SREBF2: variants seen among roughly 807,000 people sequenced by gnomAD.
SREBF2 encodes sterol regulatory element-binding protein 2.
SREBF2 carries 55 observed loss-of-function variants against 113.1 expected under a neutral mutation model. The observed-to-expected ratio is 0.49, with a 90% confidence interval of 0.39 to 0.61. The LOEUF (loss-of-function observed/expected upper bound fraction) is 0.61, where lower values mean the gene tolerates loss of function less well. Ranked by LOEUF, SREBF2 falls within the 20% of genes least tolerant of loss-of-function variation. The probability of loss-of-function intolerance (pLI) is 0.00; values close to 1 mark genes in which losing one functional copy is unlikely to be tolerated. For missense variants in SREBF2, 1,349 were observed against 1,487.4 expected, an observed-to-expected ratio of 0.91 and a Z score of 1.53; for synonymous variants, 593 against 605.7, an observed-to-expected ratio of 0.98 and a Z score of 0.31.
intron 11 of SREBF2, among the ~76,000 whole-genome samples, chr22:41,887,039 A>T (rs1329018009): frequency 3.3e-5 from 5 of 152,110 alleles, no homozygotes. Flanking sequence ...ATCTCAAAAT[A>T]AATACATACG....
chr22:41,834,904 T>A (rs1468040317), intron 1 of SREBF2, among the ~76,000 whole-genome samples: 1 of 152,172 alleles, frequency 6.6e-6, no homozygotes, highest in Non-Finnish European at 1.5e-5. Context: ...ACGTTAATGT[T>A]CTCAATCTTC....
intron 1 of SREBF2, among the ~76,000 whole-genome samples, chr22:41,858,063 A>G (rs1260995280): frequency 6.6e-6 from 1 of 152,196 alleles, no homozygotes; most frequent in African/African-American, 2.4e-5. Flanking sequence ...TTAAATAATT[A>G]TTAGAAAAAA....
At chr22:41,854,121 G>A (rs910059032) in intron 1 of SREBF2, among the ~76,000 whole-genome samples, 4 of 148,104 alleles carry the variant, frequency 2.7e-5, no homozygotes, top group Non-Finnish European at 4.5e-5. Context: ...GTGAGTCAGT[G>A]CCAGTTTTTT....
At chr22:41,885,631 G>T in intron 11 of SREBF2, 1 of 161,448 alleles carries the variant, frequency 6.2e-6, no homozygotes, top group Non-Finnish European at 1.4e-5. Flanking sequence ...CTCTCAAATG[G>T]GTAATTCCCG....
In SREBF2 at chr22:41,833,258, G is replaced by A; in HGVS notation, c.-13G>A. 1 of 1,522,812 alleles carries A rather than the reference G, an allele frequency of 6.6e-7. No homozygotes were observed. The highest frequency in any genetic ancestry group is 8.8e-7 in the Non-Finnish European group (1 of 1,135,708). 94.3% of individuals were successfully genotyped at this position (1,522,812 alleles called of 1,614,324 possible). Reference sequence around the variant, plus strand: ...GCGGGACGGCAGGGGGGGCTTCTGCGCTGAGCCGGGCGATGGACGACAGCG... The same window carrying A: ...GCGGGACGGCAGGGGGGGCTTCTGCACTGAGCCGGGCGATGGACGACAGCG... On this transcript the variant is annotated 5_prime_UTR_variant, in exon 1 of 19. Transcript: ENST00000361204. The surrounding 1 kb of genome is among the most constrained non-coding windows in gnomAD (Gnocchi z 4.1).
chr22:41,857,382 C>T (rs1265969814), intron 1 of SREBF2, among the ~76,000 whole-genome samples: 1 of 152,184 alleles, frequency 6.6e-6, no homozygotes, highest in Admixed American at 6.5e-5. Context: ...GAGCTGAGTC[C>T]CTCCAGGGCT....
chr22:41,878,227 A>G (rs2077215495), intron 9 of SREBF2, 104 bp downstream of exon 9: 11 of 1,463,920 alleles, frequency 7.5e-6, no homozygotes, highest in Middle Eastern at 4.7e-4. Context: ...GGTGAGAGGA[A>G]AAAGGGACCC....
At chr22:41,836,916 G>A (rs964273765) in intron 1 of SREBF2, among the ~76,000 whole-genome samples, 2 of 152,168 alleles carry the variant, frequency 1.3e-5, no homozygotes, top group African/African-American at 4.8e-5. Flanking sequence ...AATGTCTGCT[G>A]TGTTCCAGTC....
chr22:41,841,198 C>A (rs535262302), intron 1 of SREBF2, among the ~76,000 whole-genome samples: 1 of 152,282 alleles, frequency 6.6e-6, no homozygotes, highest in East Asian at 1.9e-4. Context: ...AAACTGACTT[C>A]ACATTTCTCC....
At chr22:41,899,227 T>G in intron 15 of SREBF2, 2 of 1,082,920 alleles carry the variant, frequency 1.8e-6, no homozygotes, top group Non-Finnish European at 2.3e-6. Flanking sequence ...TTTATCCACT[T>G]TCCTTCCAGC....
At chr22:41,865,155 AC>A (rs2077063738) in intron 1 of SREBF2, among the ~76,000 whole-genome samples, 2 of 151,852 alleles carry the variant, frequency 1.3e-5, no homozygotes, top group Admixed American at 6.6e-5. Context: ...AAACACACAC[AC>A]ACACACACAC....
chr22:41,863,451 A>G (rs1027935916), intron 1 of SREBF2, among the ~76,000 whole-genome samples: 1 of 152,236 alleles, frequency 6.6e-6, no homozygotes, highest in Admixed American at 6.5e-5. Flanking sequence ...TTTTGGGGGA[A>G]TTCTAAAAGG....
chr22:41,899,171 C>T, intron 15 of SREBF2: 2 of 1,132,504 alleles, frequency 1.8e-6, no homozygotes, highest in East Asian at 6.0e-5. Flanking sequence ...ACTGTTGCCC[C>T]CAAAACTCAT....
rs8140090 is a variant in SREBF2, at chr22:41,879,775, T to G, written c.1762-941T>G. 7.0e-3 allele frequency among the ~76,000 whole-genome samples: 1,069 copies of G among 152,286 alleles called. 8 individuals carry two copies. Among genetic ancestry groups the G allele is most frequent in the African/African-American group, 0.025 (1,032 of 41,558 alleles). Reference sequence around the variant, plus strand: ...CAAGACTATATAGCCTGTCCTCTAGTTTCCAGCAGTGAGAGAGAGAAAGCG... The same window carrying G: ...CAAGACTATATAGCCTGTCCTCTAGGTTCCAGCAGTGAGAGAGAGAAAGCG... On this transcript the variant is annotated intron_variant, in intron 9 of 18. Transcript: ENST00000361204.
At chr22:41,874,160 G>T in intron 5 of SREBF2, 141 bp downstream of exon 5, 1 of 831,848 alleles carries the variant, frequency 1.2e-6, no homozygotes, top group Non-Finnish European at 2.0e-6. Context: ...AAAGCATCTT[G>T]GTGTCATGTC....
At chr22:41,842,965 GGACACCAGAGCGA>G (rs1035790988) in intron 1 of SREBF2, among the ~76,000 whole-genome samples, 1 of 151,826 alleles carries the variant, frequency 6.6e-6, no homozygotes, top group African/African-American at 2.4e-5. Context: ...ATTCTAGCTG[GGACACCAGAGCGA>G]GACGTCCGTC....
chr22:41,846,761 C>G (rs2076880001), intron 1 of SREBF2, among the ~76,000 whole-genome samples: 1 of 152,156 alleles, frequency 6.6e-6, no homozygotes, highest in Non-Finnish European at 1.5e-5. Context: ...TTTATAAACC[C>G]TTTTCATCCG....
intron 8 of SREBF2, 78 bp from the exon 9 acceptor site, chr22:41,877,864 T>C: frequency 6.9e-7 from 1 of 1,447,468 alleles, no homozygotes; most frequent in Non-Finnish European, 9.7e-7. Context: ...TTTCCTGTGA[T>C]AGTGCTGGGG....
At chr22:41,889,492 A>G (rs1393295886) in intron 11 of SREBF2, among the ~76,000 whole-genome samples, 1 of 152,144 alleles carries the variant, frequency 6.6e-6, no homozygotes, top group Non-Finnish European at 1.5e-5. Context: ...CTTAGTGGTC[A>G]TTTGAAAAAA....
Sources: gnomAD v4.1 joint callset for allele counts (sites outside exome capture counted in the v4.1 genomes callset) on GRCh38, gnomAD v4.1.1 for gene constraint, Gnocchi (gnomAD v3.1) non-coding constraint, MANE v1.5 for transcripts, NCBI Gene and HGNC (gene_info 2026-07-23, HGNC 2026-07-21) for gene names.